The following TMEM168 variants were observed in gnomAD, a reference collection of about 807,000 sequenced individuals.
The protein encoded by TMEM168 is transmembrane protein 168.
In TMEM168, 40 loss-of-function variants were observed where a neutral mutation model predicts 53.2. That is an observed-to-expected ratio of 0.75 (90% confidence interval 0.58 to 0.98). The LOEUF (loss-of-function observed/expected upper bound fraction) is 0.98. TMEM168 is among the 50% of genes least tolerant of loss of function. The pLI is 0.00. For missense variants in TMEM168, 771 were observed against 828.8 expected, an observed-to-expected ratio of 0.93 and a Z score of 0.86; for synonymous variants, 282 against 293.0, an observed-to-expected ratio of 0.96 and a Z score of 0.38.
chr7:112,783,419 T>C (rs1396620861), intron 2 of TMEM168, among the ~76,000 whole-genome samples: 1 of 152,218 alleles, frequency 6.6e-6, no homozygotes, highest in East Asian at 1.9e-4. Flanking sequence ...GTTAGTATTC[T>C]AAGACTCTTT....
chr7:112,774,239 C>A (rs1793008832), intron 3 of TMEM168, among the ~76,000 whole-genome samples: 1 of 152,086 alleles, frequency 6.6e-6, no homozygotes, highest in South Asian at 2.1e-4. Context: ...GATGTCACCA[C>A]CTTTGTGGGT....
intron 2 of TMEM168, among the ~76,000 whole-genome samples, chr7:112,781,123 C>CAAAAAAAAAAAAAGA (rs1793220641): frequency 1.0e-5 from 1 of 96,910 alleles, no homozygotes. Flanking sequence ...AATAAAGAAG[C>CAAAAAAAAAAAAAGA]AAAAAAAAAA....
At chr7:112,781,217 GAA>G (rs1793223342) in intron 2 of TMEM168, among the ~76,000 whole-genome samples, 2 of 151,536 alleles carry the variant, frequency 1.3e-5, no homozygotes, top group South Asian at 4.1e-4. Context: ...GAATTAGACA[GAA>G]AATTAACAAG....
Position 112,790,210 on chromosome 7 carries a change from C to T in TMEM168, c.-179G>A, listed in dbSNP as rs1204435999. 1.3e-5 allele frequency: 2 copies of T among 152,650 alleles called. No homozygotes were observed. The highest frequency in any genetic ancestry group is 1.5e-5 in the Non-Finnish European group (1 of 68,262). The allele number at this position is 152,650 out of a possible 1,614,324, so 9.5% of individuals were successfully genotyped here. On this transcript the variant is annotated 5_prime_UTR_variant, in exon 1 of 5. Coordinates refer to ENST00000312814, the MANE Select transcript of TMEM168 (RefSeq NM_022484.6). ...GCTCTCCCAACCCTCGGAGTCAGTTCCAAAACCAAACCAAAAAGGAGGAGA... is the reference window on the plus strand; with the variant it reads ...GCTCTCCCAACCCTCGGAGTCAGTTTCAAAACCAAACCAAAAAGGAGGAGA...
At position 112,786,326 on chromosome 7, in the gene TMEM168, TGGAGA is replaced by T. The variant is rs147970491; in HGVS notation, c.-128-1378_-128-1374del. Among the ~76,000 whole-genome samples the T allele has an allele frequency of 7.4e-3, 1,123 of 152,328 alleles. 10 individuals carry two copies. Among genetic ancestry groups the T allele is most frequent in the African/African-American group, 0.026 (1,086 of 41,586 alleles). On this transcript the variant is annotated intron_variant, in intron 1 of 4. Transcript: ENST00000312814. The stretch of plus-strand genomic sequence containing the variant: ...AATCAACTCTTAGTACTCATCTGGC[TGGAGA>T]GGAATGTTACTAAAGCAACCTTAGG...
chr7:112,773,479 A>C (rs1474638438), intron 3 of TMEM168, among the ~76,000 whole-genome samples: 1 of 152,082 alleles, frequency 6.6e-6, no homozygotes, highest in Non-Finnish European at 1.5e-5. Context: ...TTTTAATTAT[A>C]TATTTACTTC....
intron 1 of TMEM168, among the ~76,000 whole-genome samples, chr7:112,785,607 T>C (rs1793357648): frequency 6.6e-6 from 1 of 152,138 alleles, no homozygotes; most frequent in Admixed American, 6.6e-5. Context: ...CTAAACACTA[T>C]CTCTATAGCA....
chr7:112,781,440 C>T (rs1359599661), intron 2 of TMEM168, among the ~76,000 whole-genome samples: 1 of 152,042 alleles, frequency 6.6e-6, no homozygotes, highest in East Asian at 1.9e-4. Flanking sequence ...TGAGAAACTT[C>T]CAAATATTAG....
Position 112,784,141 on chromosome 7 carries a change from A to C in TMEM168, c.685T>G (p.Phe229Val). Residue 229 changes from phenylalanine to valine, a missense_variant, in exon 2 of 5, where the codon TTT (phenylalanine) becomes GTT (valine). Phe to Val is a conservative substitution (Grantham distance 50). Coordinates refer to ENST00000312814, the MANE Select transcript of TMEM168 (RefSeq NM_022484.6). ...TPKNPIAFACFFICLITDPFL... is the reference protein window; with the variant it reads ...TPKNPIAFACVFICLITDPFL... ...GGATCAGTTATCAGGCAAATAAAAA[A>C]ACACGCAAAAGCAATCGGATTTTTG... The C allele has an allele frequency of 6.2e-7, 1 of 1,614,100 alleles. No homozygotes were observed. Among genetic ancestry groups the C allele is most frequent in the South Asian group, 1.1e-5 (1 of 91,026 alleles).
chr7:112,782,019 T>C (rs1793245677), intron 2 of TMEM168, among the ~76,000 whole-genome samples: 1 of 152,166 alleles, frequency 6.6e-6, no homozygotes, highest in Admixed American at 6.5e-5. Context: ...ATCCAGAATA[T>C]ATAAGGAACT....
chr7:112,768,601 G>A (rs1187105526), intron 4 of TMEM168, among the ~76,000 whole-genome samples: 3 of 152,142 alleles, frequency 2.0e-5, no homozygotes, highest in Non-Finnish European at 4.4e-5. Context: ...TTTACATCTC[G>A]TTATTTTTTT....
In TMEM168 at chr7:112,764,442, A is replaced by C. The variant is rs1461906911; in HGVS notation, c.*2755T>G. On this transcript the variant is annotated 3_prime_UTR_variant, in exon 5 of 5. Transcript: ENST00000312814. ...TATTTTTCAATCTTTAGGTGAAAGT[A>C]ACCAATCACTTTATTCTTCTTGTAA... 6.6e-6 allele frequency: 1 copy of C among 151,902 alleles called. No individual in the cohort carries two copies. The highest frequency in any genetic ancestry group is 1.5e-5 in the Non-Finnish European group (1 of 67,994). The allele number at this position is 151,902 out of a possible 1,614,324, so 9.4% of individuals were successfully genotyped here.
intron 1 of TMEM168, among the ~76,000 whole-genome samples, chr7:112,787,294 A>C (rs1793408333): frequency 1.3e-5 from 2 of 151,960 alleles, no homozygotes; most frequent in South Asian, 4.1e-4. Flanking sequence ...TTCCCACCAC[A>C]CAACTGCTCT....
At chr7:112,773,709 G>C (rs923198492) in intron 3 of TMEM168, among the ~76,000 whole-genome samples, 4 of 151,990 alleles carry the variant, frequency 2.6e-5, no homozygotes, top group Non-Finnish European at 5.9e-5. Context: ...CTTATAACTA[G>C]CAAAATACCA....
Position 112,767,292 on chromosome 7 carries a change from T to C in TMEM168, c.1999A>G (p.Lys667Glu). Residue 667 changes from lysine (K) to glutamate (E), a missense_variant, in exon 5 of 5, where the codon AAA becomes GAA. Transcript: ENST00000312814. The stretch of plus-strand genomic sequence containing the variant: ...CTTTTCAAGCACCTAAAACAAGTTT[T>C]GCAGATCCAAAAAAGGTTCAGACCG... ...LCGLNLFWIC[K>E]TCFRCLKRLK... 2 of 1,614,162 alleles carry C rather than the reference T, an allele frequency of 1.2e-6. No homozygotes were observed. The highest frequency in any genetic ancestry group is 1.7e-6 in the Non-Finnish European group (2 of 1,180,012).
intron 1 of TMEM168, among the ~76,000 whole-genome samples, chr7:112,788,698 T>A (rs1003768866): frequency 6.6e-6 from 1 of 151,996 alleles, no homozygotes; most frequent in Admixed American, 6.6e-5. Flanking sequence ...ACTGCCAGAG[T>A]CTGATTATTT....
At chr7:112,768,559 G>A (rs967347770) in intron 4 of TMEM168, among the ~76,000 whole-genome samples, 10 of 152,080 alleles carry the variant, frequency 6.6e-5, no homozygotes, top group African/African-American at 1.9e-4. Flanking sequence ...TACCCAGAAA[G>A]TTCTAAAGTA....
At chr7:112,774,810 A>C (rs975257065) in intron 3 of TMEM168, among the ~76,000 whole-genome samples, 1 of 151,802 alleles carries the variant, frequency 6.6e-6, no homozygotes, top group East Asian at 1.9e-4. Flanking sequence ...CGAACTCCTG[A>C]CCTCAGGTGA....
At chr7:112,783,346 C>T (rs923614767) in intron 2 of TMEM168, among the ~76,000 whole-genome samples, 2 of 152,180 alleles carry the variant, frequency 1.3e-5, no homozygotes, top group Admixed American at 6.5e-5. Context: ...TCTTCTTTGG[C>T]TTTCAGTTTC....
Sources: allele counts gnomAD v4.1 joint callset (sites outside exome capture counted in the v4.1 genomes callset), GRCh38; gene constraint gnomAD v4.1.1; transcripts MANE v1.5; gene names NCBI Gene and HGNC (gene_info 2026-07-23, HGNC 2026-07-21).